NOC4L: variants seen among roughly 807,000 people sequenced by gnomAD.
NOC4L encodes the protein nucleolar complex associated 4 homolog.
A neutral mutation model predicts 62.8 loss-of-function variants in NOC4L; 40 were observed. The ratio of observed to expected loss-of-function variants is 0.64; its 90% confidence interval spans 0.49 to 0.83. The LOEUF (loss-of-function observed/expected upper bound fraction) is 0.83, where lower values mean the gene tolerates loss of function less well. Among genes scored for constraint, NOC4L ranks in the 40% least tolerant of loss-of-function variants. The pLI, the probability that NOC4L is intolerant of heterozygous loss-of-function variation, is 0.00. For missense variants in NOC4L, 927 were observed against 701.9 expected, an observed-to-expected ratio of 1.32 and a Z score of -3.62; for synonymous variants, 433 against 299.8, an observed-to-expected ratio of 1.44 and a Z score of -4.59.
At position 132,152,389 on chromosome 12, in the gene NOC4L, C is replaced by A; in HGVS notation, c.1539C>A (p.Phe513Leu). 1 of 1,579,010 alleles carries A rather than the reference C, an allele frequency of 6.3e-7. No homozygotes were observed. Among genetic ancestry groups the A allele is most frequent in the Non-Finnish European group, 8.6e-7 (1 of 1,160,920 alleles). Residue 513 changes from phenylalanine (F) to leucine (L), a missense_variant, in exon 15 of 15, where the codon TTC (phenylalanine) becomes TTA (leucine). Coordinates refer to ENST00000330579, the MANE Select transcript of NOC4L (RefSeq NM_024078.3). Reference sequence around the variant, plus strand: ...CGGGTGAACTCTGTGCCCAGCACTTCACGCTCAGCTGACCCTGGCCCACCT... The same window carrying A: ...CGGGTGAACTCTGTGCCCAGCACTTAACGCTCAGCTGACCCTGGCCCACCT... Reference protein sequence around the residue: ...GRPGELCAQHFTLS With the variant: ...GRPGELCAQHLTLS
intron 3 of NOC4L, among the ~76,000 whole-genome samples, chr12:132,145,974 C>T (rs1793162105): frequency 6.6e-6 from 1 of 152,208 alleles, no homozygotes; most frequent in Non-Finnish European, 1.5e-5. Context: ...CTGTGGTCTG[C>T]AGCCATGGGA....
At chr12:132,152,013 A>G (rs924058755) in intron 13 of NOC4L, 71 bp from the exon 14 acceptor site, 155 of 1,441,652 alleles carry the variant, frequency 1.1e-4, no homozygotes, top group Non-Finnish European at 1.4e-4. Context: ...TTGGGAGCAC[A>G]GGGAGGCCAT....
rs769910448 is a variant in NOC4L at position 132,147,276 on chromosome 12, C to G, written c.346-5C>G. The G allele has an allele frequency of 1.3e-6, 2 of 1,526,486 alleles. No individual in the cohort carries two copies. The allele number at this position is 1,526,486 out of a possible 1,614,324, so 94.6% of individuals were successfully genotyped here. A position where few individuals can be genotyped will look rare whatever the true frequency, so the allele number is the denominator to read the frequency against. ...CACAGCCACCCTGCACTGCCCCCTT[C>G]CCAGGAGCTGGCCCTCAGCGCACTC... On this transcript the variant is annotated splice_polypyrimidine_tract_variant and splice_region_variant and intron_variant, in intron 3 of 14. Coordinates refer to ENST00000330579, the MANE Select transcript of NOC4L (RefSeq NM_024078.3).
intron 3 of NOC4L, 89 bp downstream of exon 3, chr12:132,145,754 A>C: frequency 2.3e-6 from 2 of 878,658 alleles, no homozygotes; most frequent in Non-Finnish European, 3.6e-6. Flanking sequence ...GGCTCCCACA[A>C]TTGTCCAGGC....
At chr12:132,151,993 C>G in intron 13 of NOC4L, 91 bp from the exon 14 acceptor site, 1 of 1,351,634 alleles carries the variant, frequency 7.4e-7, no homozygotes, top group African/African-American at 1.5e-5. Flanking sequence ...CCCGACCCCG[C>G]CCACTCTGGT....
chr12:132,145,971 C>T (rs1363906123), intron 3 of NOC4L, among the ~76,000 whole-genome samples: 5 of 152,212 alleles, frequency 3.3e-5, no homozygotes, highest in Non-Finnish European at 5.9e-5. Context: ...ACACTGTGGT[C>T]TGCAGCCATG....
At position 132,148,252 on chromosome 12, in the gene NOC4L, C is replaced by T. The variant is rs114032131; in HGVS notation, c.738+146C>T. ...CAGCTTGCACGGCCACCAGGTCACT[C>T]GAAGTGTGGGAGGTGACGAGACCTG... is the stretch of plus-strand genomic sequence containing the variant. On this transcript the variant is annotated intron_variant, in intron 7 of 14. Transcript: ENST00000330579. 2.7e-3 allele frequency: 2,287 copies of T among 845,212 alleles called. 40 individuals are homozygous for T. The African/African-American group carries it at 0.034, about 13-fold the overall frequency. The allele number at this position is 845,212 out of a possible 1,614,324, so 52.4% of individuals were successfully genotyped here.
In NOC4L at chr12:132,151,289, G is replaced by T. The variant is rs376699339; in HGVS notation, c.994G>T (p.Gly332Cys). The T allele has an allele frequency of 2.2e-5, 35 of 1,611,912 alleles. No homozygotes were observed. Among genetic ancestry groups the T allele is most frequent in the Non-Finnish European group, 3.0e-5 (35 of 1,179,930 alleles). ...CCCTGACTTCTACCGGAAGCTCTAC[G>T]GCCTCTTGGACCCCTCTGTCTTTCA... is the stretch of plus-strand genomic sequence containing the variant. ...EYPDFYRKLY[G>C]LLDPSVFHVK... Residue 332 changes from glycine to cysteine, a missense_variant, in exon 11 of 15, where the codon GGC (glycine) becomes TGC (cysteine). Transcript: ENST00000330579.
intron 9 of NOC4L, 94 bp from the exon 10 acceptor site, chr12:132,150,887 G>C: frequency 2.2e-6 from 2 of 901,810 alleles, no homozygotes; most frequent in East Asian, 2.4e-5. Context: ...AGCAGGGGCA[G>C]AGGCCACACT....
intron 7 of NOC4L, 25 bp from the exon 8 acceptor site, chr12:132,148,584 G>A (rs376458636): frequency 6.6e-5 from 102 of 1,548,718 alleles, no homozygotes; most frequent in African/African-American, 3.7e-4. Context: ...GGAGGGCGGC[G>A]AGTGCAGTCT....
At position 132,152,176 on chromosome 12, in the gene NOC4L, G is replaced by A; in HGVS notation, c.1410G>A (p.Leu470=). The part of the protein sequence containing the change: ...LSMPEVSIAP[L]LELTAYEIFE... ...TGCCTGAGGTCAGCATCGCGCCACTGCTGGAGCTCACGGCCTACGAGGTGC... is the reference window on the plus strand; with the variant it reads ...TGCCTGAGGTCAGCATCGCGCCACTACTGGAGCTCACGGCCTACGAGGTGC... Residue 470 remains leucine, a synonymous_variant, in exon 14 of 15, where the codon CTG becomes CTA. Coordinates refer to ENST00000330579, the MANE Select transcript of NOC4L (RefSeq NM_024078.3). 3.1e-6 allele frequency: 5 copies of A among 1,612,110 alleles called. No homozygotes were observed. Among genetic ancestry groups the A allele is most frequent in the Non-Finnish European group, 4.2e-6 (5 of 1,179,826 alleles).
chr12:132,151,980 C>T lies in NOC4L; in HGVS notation c.1318-104C>T, dbSNP rs74332198. 5.4e-3 allele frequency: 7,002 copies of T among 1,286,520 alleles called. 58 individuals carry two copies. Among genetic ancestry groups the T allele is most frequent in the African/African-American group, 0.028 (1,899 of 67,032 alleles). 79.7% of individuals were successfully genotyped at this position (1,286,520 alleles called of 1,614,324 possible). On this transcript the variant is annotated intron_variant, in intron 13 of 14. Coordinates refer to ENST00000330579, the MANE Select transcript of NOC4L (RefSeq NM_024078.3). ...GGTGCTTGGCCTTCTCACGTGGCTC[C>T]GTCCCGACCCCGCCCACTCTGGTTG...
intron 4 of NOC4L, 68 bp from the exon 5 acceptor site, chr12:132,147,565 G>T: frequency 6.4e-7 from 1 of 1,570,588 alleles, no homozygotes; most frequent in South Asian, 1.2e-5. Flanking sequence ...ATGGGGCAGG[G>T]CTGCCTGCCT....
chr12:132,147,409 T>G, intron 4 of NOC4L, 21 bp downstream of exon 4: 1 of 1,530,438 alleles, frequency 6.5e-7, no homozygotes, highest in Non-Finnish European at 8.9e-7. Flanking sequence ...TGCTGGGGAC[T>G]CCCAGAGGGC....
chr12:132,145,236 C>G (rs951176854), intron 2 of NOC4L, among the ~76,000 whole-genome samples: 4 of 152,178 alleles, frequency 2.6e-5, no homozygotes, highest in Non-Finnish European at 5.9e-5. Context: ...GTTGACTGAT[C>G]CTGACACGGT....
chr12:132,151,169 G>A, intron 10 of NOC4L, 89 bp from the exon 11 acceptor site: 1 of 1,434,328 alleles, frequency 7.0e-7, no homozygotes, highest in South Asian at 1.2e-5. Context: ...CCCTGGGCGG[G>A]AGGAAGGGGC....
At chr12:132,147,586 G>A (rs1295037840) in intron 4 of NOC4L, 47 bp from the exon 5 acceptor site, 2 of 1,598,178 alleles carry the variant, frequency 1.3e-6, no homozygotes, top group South Asian at 2.3e-5. Flanking sequence ...GGACCTTGCT[G>A]GCGTATGCTG....
chr12:132,147,249 A>G (rs770447835), intron 3 of NOC4L, 32 bp from the exon 4 acceptor site: 1 of 1,458,358 alleles, frequency 6.9e-7, no homozygotes, highest in East Asian at 2.5e-5. Flanking sequence ...GGGTGAGGGC[A>G]TCACAGCCAC....
rs1873042002 is a variant in NOC4L, at chr12:132,152,338, C to T, written c.1488C>T (p.Ile496=). ...CCGAGCCGGTGCCACTGGAGTTTAT[C>T]CCAGCCCAGGGCCTGCTGGGACGGC... ...KGPEPVPLEF[I]PAQGLLGRPG... The change falls in exon 15 of 15, where the codon ATC becomes ATT. Residue 496 remains isoleucine (I), a synonymous_variant. Transcript: ENST00000330579. 5 of 1,568,978 alleles carry T rather than the reference C, an allele frequency of 3.2e-6. No individual in the cohort carries two copies. Among genetic ancestry groups the T allele is most frequent in the Middle Eastern group, 1.7e-4 (1 of 6,016 alleles).
Sources: gnomAD v4.1 joint callset for allele counts (sites outside exome capture counted in the v4.1 genomes callset) on GRCh38, gnomAD v4.1.1 for gene constraint, MANE v1.5 for transcripts, NCBI Gene and HGNC (gene_info 2026-07-23, HGNC 2026-07-21) for gene names.